Variants in SRGAP3 observed in about 807,000 individuals in gnomAD.
The protein encoded by SRGAP3 is SLIT-ROBO Rho GTPase-activating protein 3.
A neutral mutation model predicts 121.1 loss-of-function variants in SRGAP3; 39 were observed. The observed-to-expected ratio is 0.32, with a 90% CI of 0.25 to 0.42. The LOEUF is 0.42. Among genes scored for constraint, SRGAP3 ranks in the 10% least tolerant of loss-of-function variants. The probability of loss-of-function intolerance (pLI) is 1.00; values close to 1 mark genes in which losing one functional copy is unlikely to be tolerated. For synonymous variants in SRGAP3, 601 were observed against 570.0 expected (o/e 1.05, Z -0.77); for missense variants, 1,213 against 1,470.6 (o/e 0.82, Z 2.86).
intron 4 of SRGAP3, among the ~76,000 whole-genome samples, chr3:9,068,207 G>A (rs750349197): frequency 2.0e-5 from 3 of 152,138 alleles, no homozygotes; most frequent in Non-Finnish European, 2.9e-5. Flanking sequence ...TCTGTGCTGG[G>A]TAGTTCAGGG....
intron 1 of SRGAP3, among the ~76,000 whole-genome samples, chr3:9,355,424 T>C (rs906873715): frequency 1.3e-5 from 2 of 152,356 alleles, no homozygotes; most frequent in East Asian, 1.9e-4. Context: ...ACTTCTACGA[T>C]GTATCCATCC....
intron 2 of SRGAP3, among the ~76,000 whole-genome samples, chr3:9,114,007 A>G (rs52451): frequency 0.37 from 56,149 of 152,022 alleles, 11,363 homozygotes; most frequent in Non-Finnish European, 0.47. Context: ...TTCAGGGCCT[A>G]GCTCTGGCAC....
chr3:9,290,282 T>C (rs143459758), intron 3 of SRGAP3, among the ~76,000 whole-genome samples: 6 of 152,244 alleles, frequency 3.9e-5, no homozygotes, highest in Admixed American at 1.3e-4. Context: ...TTTTTAGTTG[T>C]TTACAACAGG....
At chr3:9,303,309 C>G (rs1955100274) in intron 3 of SRGAP3, among the ~76,000 whole-genome samples, 1 of 151,880 alleles carries the variant, frequency 6.6e-6, no homozygotes, top group African/African-American at 2.4e-5. Flanking sequence ...CCTGTAGTCC[C>G]AGCTACTGAG....
chr3:9,184,861 A>C (rs1430944927), intron 1 of SRGAP3, among the ~76,000 whole-genome samples: 3 of 152,104 alleles, frequency 2.0e-5, no homozygotes, highest in African/African-American at 7.2e-5. Flanking sequence ...AAATCAGCTC[A>C]GAAGGTATAA....
chr3:9,351,869 C>A (rs1485197251), intron 1 of SRGAP3, among the ~76,000 whole-genome samples: 1 of 152,096 alleles, frequency 6.6e-6, no homozygotes, highest in East Asian at 1.9e-4. Flanking sequence ...ACCCAAGGGG[C>A]CATGGAAGGG....
At chr3:9,304,578 G>GT (rs1363053956) in intron 3 of SRGAP3, among the ~76,000 whole-genome samples, 1 of 152,172 alleles carries the variant, frequency 6.6e-6, no homozygotes, top group African/African-American at 2.4e-5. Context: ...GGTTCACCAT[G>GT]TTCTGCTGCC....
At chr3:9,296,097 A>AT (rs1954950374) in intron 3 of SRGAP3, among the ~76,000 whole-genome samples, 1 of 152,236 alleles carries the variant, frequency 6.6e-6, no homozygotes, top group Non-Finnish European at 1.5e-5. Flanking sequence ...TGCTGCTATG[A>AT]ACATTAGTAT....
At chr3:9,334,886 T>G (rs1452229252) in intron 1 of SRGAP3, among the ~76,000 whole-genome samples, 1 of 152,190 alleles carries the variant, frequency 6.6e-6, no homozygotes, top group Non-Finnish European at 1.5e-5. Context: ...CAGCTGACCA[T>G]GCAAGGTTGT....
chr3:9,289,187 G>A (rs1954832367), intron 3 of SRGAP3, among the ~76,000 whole-genome samples: 1 of 152,138 alleles, frequency 6.6e-6, no homozygotes, highest in African/African-American at 2.4e-5. Context: ...GCGTGAGCCA[G>A]CATGCCTGGC....
intron 18 of SRGAP3, among the ~76,000 whole-genome samples, chr3:8,998,554 AC>A (rs757125197): frequency 1.3e-4 from 6 of 47,662 alleles, no homozygotes; most frequent in South Asian, 1.8e-3. Context: ...GTATATATAT[AC>A]TATATATATG....
intron 3 of SRGAP3, among the ~76,000 whole-genome samples, chr3:9,283,727 T>C (rs1954721028): frequency 2.0e-5 from 3 of 152,200 alleles, no homozygotes; most frequent in Admixed American, 2.0e-4. Flanking sequence ...ACCATGACTC[T>C]TATACTGACA....
At chr3:9,038,769 AT>A (rs1944889661) in intron 10 of SRGAP3, among the ~76,000 whole-genome samples, 2 of 152,184 alleles carry the variant, frequency 1.3e-5, no homozygotes, top group East Asian at 3.9e-4. Flanking sequence ...CCCTGGTTCC[AT>A]CCCCTCTGTC....
intron 1 of SRGAP3, among the ~76,000 whole-genome samples, chr3:9,183,391 T>C (rs774133653): frequency 2.6e-5 from 4 of 152,138 alleles, no homozygotes; most frequent in Non-Finnish European, 5.9e-5. Flanking sequence ...TTAAATGAGG[T>C]CATGAAAACA....
chr3:9,141,551 GGGGTGTGTGTGTGTGTGTGTGTGTGT>G (rs1575135701), intron 1 of SRGAP3, among the ~76,000 whole-genome samples: 2 of 117,596 alleles, frequency 1.7e-5, no homozygotes, highest in African/African-American at 8.1e-5. Flanking sequence ...TCTGACTTCA[GGGGTGTGTGTGTGTGTGTGTGTGTGT>G]GTGTGTGTGT....
intron 3 of SRGAP3, among the ~76,000 whole-genome samples, chr3:9,089,513 A>G (rs982722564): frequency 6.6e-6 from 1 of 152,180 alleles, no homozygotes; most frequent in Non-Finnish European, 1.5e-5. Context: ...ATGAGTCCAG[A>G]CCACAAGGAA....
chr3:9,210,224 T>C (rs1458976560), intron 1 of SRGAP3, among the ~76,000 whole-genome samples: 2 of 152,204 alleles, frequency 1.3e-5, no homozygotes, highest in Non-Finnish European at 2.9e-5. Context: ...AATTGGACTA[T>C]GGTGTTAGCT....
chr3:9,042,850 C>T (rs2670005), intron 10 of SRGAP3, among the ~76,000 whole-genome samples: 98,886 of 151,970 alleles, frequency 0.65, 32,353 homozygotes, highest in Non-Finnish European at 0.68. Flanking sequence ...GTTCCCAAAC[C>T]GTCCACTCTT....
rs149056825 is a variant in SRGAP3 at position 8,980,638 on chromosome 3, A to G, written c.*4881T>C. The G allele has an allele frequency of 3.0e-5, 7 of 230,704 alleles. No individual in the cohort carries two copies. The East Asian group carries it at 4.3e-4, about 14-fold the overall frequency. The allele number at this position is 230,704 out of a possible 1,614,324, so 14.3% of individuals were successfully genotyped here. A position where few individuals can be genotyped will look rare whatever the true frequency, so the allele number is the denominator to read the frequency against. ...TATTTCACAGGATAGCTCCACGTCAAACCAGCAGGCACCATCAGAATACGC... is the reference window on the plus strand; with the variant it reads ...TATTTCACAGGATAGCTCCACGTCAGACCAGCAGGCACCATCAGAATACGC... On this transcript the variant is annotated 3_prime_UTR_variant, in exon 22 of 22. Coordinates refer to ENST00000383836, the MANE Select transcript of SRGAP3 (RefSeq NM_014850.4).
Sources: allele counts gnomAD v4.1 joint callset (sites outside exome capture counted in the v4.1 genomes callset), GRCh38; gene constraint gnomAD v4.1.1; transcripts MANE v1.5; gene names NCBI Gene and HGNC (gene_info 2026-07-23, HGNC 2026-07-21).